ATP9A: variants seen among roughly 807,000 people sequenced by gnomAD.
ATP9A encodes probable phospholipid-transporting ATPase IIA.
In ATP9A, 52 loss-of-function variants were observed where a neutral mutation model predicts 144.1. The observed-to-expected ratio is 0.36, with a 90% CI of 0.29 to 0.45. The LOEUF (loss-of-function observed/expected upper bound fraction) is 0.45, where lower values mean the gene tolerates loss of function less well. Ranked by LOEUF, ATP9A falls within the 20% of genes least tolerant of loss-of-function variation. ATP9A has a pLI of 1.00. For synonymous variants in ATP9A, 582 were observed against 557.4 expected, an observed-to-expected ratio of 1.04 and a Z score of -0.62; for missense variants, 947 against 1,392.7, an observed-to-expected ratio of 0.68 and a Z score of 5.09.
At chr20:51,726,358 A>C (rs956944968) in intron 2 of ATP9A, among the ~76,000 whole-genome samples, 4 of 151,150 alleles carry the variant, frequency 2.6e-5, no homozygotes, top group Non-Finnish European at 5.9e-5. Context: ...TTATAATACA[A>C]TTTACACTAT....
chr20:51,623,959 A>G (rs1210553890), intron 18 of ATP9A, among the ~76,000 whole-genome samples: 1 of 152,184 alleles, frequency 6.6e-6, no homozygotes, highest in Non-Finnish European at 1.5e-5. Context: ...TGTGAATAAA[A>G]TATCTCGTCT....
intron 14 of ATP9A, among the ~76,000 whole-genome samples, chr20:51,649,077 G>A (rs775786471): frequency 2.0e-5 from 3 of 151,932 alleles, no homozygotes; most frequent in Non-Finnish European, 4.4e-5. Flanking sequence ...AGGGACCAAA[G>A]AATAAAAATA....
At chr20:51,637,386 C>T (rs1290078506) in intron 15 of ATP9A, among the ~76,000 whole-genome samples, 2 of 150,456 alleles carry the variant, frequency 1.3e-5, no homozygotes, top group Non-Finnish European at 3.0e-5. Flanking sequence ...GTGAGTCTAC[C>T]GTGTGCCAGG....
intron 18 of ATP9A, among the ~76,000 whole-genome samples, chr20:51,624,145 A>G (rs765983180): frequency 6.6e-6 from 1 of 152,208 alleles, no homozygotes; most frequent in Non-Finnish European, 1.5e-5. Flanking sequence ...TGATTTCCTT[A>G]TGACGAACCA....
intron 1 of ATP9A, among the ~76,000 whole-genome samples, chr20:51,764,683 A>G (rs1376269201): frequency 6.6e-6 from 1 of 152,112 alleles, no homozygotes; most frequent in Non-Finnish European, 1.5e-5. Flanking sequence ...CCACGAACAC[A>G]TTAATATCAG....
intron 1 of ATP9A, among the ~76,000 whole-genome samples, chr20:51,750,281 C>A (rs888173287): frequency 7.2e-5 from 11 of 152,196 alleles, no homozygotes; most frequent in African/African-American, 2.4e-4. Context: ...CCATTCACCT[C>A]CCCCAGGCCT....
At chr20:51,617,414 T>G in intron 22 of ATP9A, 76 bp downstream of exon 22, 1 of 1,450,942 alleles carries the variant, frequency 6.9e-7, no homozygotes, top group Non-Finnish European at 9.5e-7. Flanking sequence ...TCCAGAAGGC[T>G]TAAAGCTGTG....
intron 18 of ATP9A, among the ~76,000 whole-genome samples, chr20:51,624,699 G>A (rs1386226748): frequency 6.6e-6 from 1 of 152,018 alleles, no homozygotes; most frequent in East Asian, 1.9e-4. Flanking sequence ...CGCTACACAA[G>A]ATGTCTTCCA....
intron 4 of ATP9A, among the ~76,000 whole-genome samples, chr20:51,710,759 T>C (rs11908495): frequency 0.06 from 9,093 of 152,202 alleles, 609 homozygotes; most frequent in African/African-American, 0.16. Context: ...CTGCCAATTC[T>C]CCTTAGGACT....
At chr20:51,729,445 A>T (rs1256570724) in intron 2 of ATP9A, among the ~76,000 whole-genome samples, 1 of 151,948 alleles carries the variant, frequency 6.6e-6, no homozygotes, top group Non-Finnish European at 1.5e-5. Context: ...CAGGGAACTC[A>T]GTCTTTTAAG....
chr20:51,692,714 A>G (rs2077553669), intron 7 of ATP9A, among the ~76,000 whole-genome samples: 1 of 152,136 alleles, frequency 6.6e-6, no homozygotes, highest in Non-Finnish European at 1.5e-5. Flanking sequence ...AGGCAGGAAA[A>G]TTGCTTGAAC....
rs946444790 is a variant in ATP9A, at chr20:51,599,481, G to T, written c.*1730C>A. ...ATTCACTCAATACATCTTTTCTGCC[G>T]ACCTTTTCCCTCTGGCAGAAATGGC... On this transcript the variant is annotated 3_prime_UTR_variant, in exon 28 of 28. Transcript: ENST00000338821. 1.3e-5 allele frequency: 2 copies of T among 152,100 alleles called. No individual in the cohort carries two copies. The highest frequency in any genetic ancestry group is 4.8e-5 in the African/African-American group (2 of 41,402). The allele number at this position is 152,100 out of a possible 1,614,324, so 9.4% of individuals were successfully genotyped here.
At chr20:51,636,463 C>T (rs1032795496) in intron 15 of ATP9A, among the ~76,000 whole-genome samples, 10 of 152,302 alleles carry the variant, frequency 6.6e-5, no homozygotes, top group African/African-American at 1.9e-4. Flanking sequence ...TGTTATGAAG[C>T]AATACGTAGT....
At chr20:51,728,765 C>T (rs1971721639) in intron 2 of ATP9A, among the ~76,000 whole-genome samples, 1 of 151,726 alleles carries the variant, frequency 6.6e-6, no homozygotes, top group Non-Finnish European at 1.5e-5. Context: ...GATCTGGTCT[C>T]TTAAAAAACA....
chr20:51,662,611 C>T (rs967015414), intron 13 of ATP9A, among the ~76,000 whole-genome samples: 4 of 150,774 alleles, frequency 2.7e-5, no homozygotes, highest in African/African-American at 7.3e-5. Flanking sequence ...TTTTGGCACC[C>T]GGTTAAATTT....
At chr20:51,632,939 A>G (rs2077275569) in intron 15 of ATP9A, among the ~76,000 whole-genome samples, 1 of 152,112 alleles carries the variant, frequency 6.6e-6, no homozygotes, top group Admixed American at 6.6e-5. Flanking sequence ...CCTGCCCAAC[A>G]TGGTGAAACC....
intron 9 of ATP9A, among the ~76,000 whole-genome samples, chr20:51,678,533 G>A (rs1297589113): frequency 2.0e-5 from 3 of 152,210 alleles, no homozygotes; most frequent in African/African-American, 7.2e-5. Flanking sequence ...GCTCCCGGCA[G>A]ATGGCAGGCC....
chr20:51,736,772 TAAC>T (rs1018204499), intron 1 of ATP9A, among the ~76,000 whole-genome samples: 1 of 151,284 alleles, frequency 6.6e-6, no homozygotes, highest in Non-Finnish European at 1.5e-5. Context: ...ACTGTTATAT[TAAC>T]AACAACAAAA....
At chr20:51,737,418 C>A (rs1235912515) in intron 1 of ATP9A, among the ~76,000 whole-genome samples, 1 of 152,200 alleles carries the variant, frequency 6.6e-6, no homozygotes, top group African/African-American at 2.4e-5. Flanking sequence ...TTATGCCTCT[C>A]TCCCTTATGA....
Sources: allele counts gnomAD v4.1 joint callset (sites outside exome capture counted in the v4.1 genomes callset), GRCh38; gene constraint gnomAD v4.1.1; transcripts MANE v1.5; gene names NCBI Gene and HGNC (gene_info 2026-07-23, HGNC 2026-07-21).